Variants in RAD51B observed in about 807,000 individuals in gnomAD.
RAD51B encodes the protein DNA repair protein RAD51 homolog 2.
Under a neutral mutation model 42.2 loss-of-function variants are expected in RAD51B, and 38 were observed. The observed-to-expected ratio is 0.90, with a 90% CI of 0.70 to 1.18. The LOEUF is 1.18. Ranked by LOEUF, RAD51B falls within the 50% of genes most tolerant of loss-of-function variation. The pLI is 0.00. For synonymous variants in RAD51B, 154 were observed against 145.2 expected, an observed-to-expected ratio of 1.06 and a Z score of -0.43; for missense variants, 373 against 400.7, an observed-to-expected ratio of 0.93 and a Z score of 0.59.
Position 68,477,976 on chromosome 14 carries a change from C to T in RAD51B, c.*312C>T. 1.7e-6 allele frequency: 2 copies of T among 1,143,100 alleles called. No homozygotes were observed. The highest frequency in any genetic ancestry group is 2.1e-6 in the Non-Finnish European group (2 of 930,672). The allele number at this position is 1,143,100 out of a possible 1,614,324, so 70.8% of individuals were successfully genotyped here. On this transcript the variant is annotated 3_prime_UTR_variant, in exon 11 of 11. Transcript: ENST00000471583. ...CACCTTTCAACCAGGCACCTCAAAGCGGTTTAACCACATTAATTAATTAAA... is the reference window on the plus strand; with the variant it reads ...CACCTTTCAACCAGGCACCTCAAAGTGGTTTAACCACATTAATTAATTAAA...
intron 7 of RAD51B, among the ~76,000 whole-genome samples, chr14:68,168,505 C>G (rs1025992764): frequency 1.3e-5 from 2 of 152,118 alleles, no homozygotes; most frequent in African/African-American, 2.4e-5. Context: ...TACACAAGCA[C>G]TCTGGAATTT....
chr14:68,098,345 T>C (rs1317261245), intron 7 of RAD51B, among the ~76,000 whole-genome samples: 1 of 152,258 alleles, frequency 6.6e-6, no homozygotes, highest in African/African-American at 2.4e-5. Flanking sequence ...GTGAACAAAA[T>C]AGTACCTGCC....
intron 7 of RAD51B, among the ~76,000 whole-genome samples, chr14:67,997,192 A>G (rs1366393288): frequency 6.6e-6 from 1 of 152,222 alleles, no homozygotes; most frequent in Non-Finnish European, 1.5e-5. Flanking sequence ...ATGAAAATAC[A>G]TAGTATTTGA....
intron 10 of RAD51B, among the ~76,000 whole-genome samples, chr14:68,498,731 C>A (rs544669018): frequency 6.6e-6 from 1 of 152,310 alleles, no homozygotes; most frequent in African/African-American, 2.4e-5. Flanking sequence ...ATAACACTGG[C>A]TTTTTTCTTA....
At chr14:68,336,216 G>A (rs548233275) in intron 8 of RAD51B, among the ~76,000 whole-genome samples, 20 of 152,310 alleles carry the variant, frequency 1.3e-4, no homozygotes, top group African/African-American at 4.1e-4. Context: ...TAAGGAAACT[G>A]AATGTTTAAT....
intron 7 of RAD51B, among the ~76,000 whole-genome samples, chr14:68,019,175 A>C (rs1202717554): frequency 6.6e-6 from 1 of 152,084 alleles, no homozygotes; most frequent in Admixed American, 6.5e-5. Context: ...CAGTTTAGAG[A>C]AACTGAGAGT....
intron 4 of RAD51B, among the ~76,000 whole-genome samples, chr14:67,836,013 C>T (rs1460216039): frequency 6.6e-6 from 1 of 152,088 alleles, no homozygotes; most frequent in African/African-American, 2.4e-5. Context: ...TTTTTACTTT[C>T]TGTTATAGAT....
At chr14:68,216,993 T>G (rs1324846436) in intron 7 of RAD51B, among the ~76,000 whole-genome samples, 1 of 152,190 alleles carries the variant, frequency 6.6e-6, no homozygotes, top group Non-Finnish European at 1.5e-5. Flanking sequence ...AGACTCTAAT[T>G]CTTCTATTCC....
At chr14:67,878,993 C>T (rs941798496) in intron 5 of RAD51B, among the ~76,000 whole-genome samples, 2 of 152,182 alleles carry the variant, frequency 1.3e-5, no homozygotes, top group African/African-American at 2.4e-5. Flanking sequence ...GGATTACAGG[C>T]GTGAGCCACT....
At chr14:68,423,281 C>T (rs2084753975) in intron 9 of RAD51B, among the ~76,000 whole-genome samples, 1 of 152,146 alleles carries the variant, frequency 6.6e-6, no homozygotes, top group South Asian at 2.1e-4. Flanking sequence ...AGAGCTAAGG[C>T]ACCTGGTATG....
intron 7 of RAD51B, among the ~76,000 whole-genome samples, chr14:68,029,849 C>G (rs1432471267): frequency 2.0e-5 from 3 of 152,188 alleles, no homozygotes; most frequent in Non-Finnish European, 2.9e-5. Context: ...AGTAATAAGA[C>G]TTGAAAGTTG....
downstream of RAD51B, among the ~76,000 whole-genome samples, chr14:68,478,316 T>G (rs755902522): frequency 1.3e-5 from 2 of 152,236 alleles, no homozygotes; most frequent in African/African-American, 2.4e-5. Flanking sequence ...GTGGCATAAC[T>G]ATTGTAGTGT....
chr14:67,890,158 T>G (rs1386473420), intron 7 of RAD51B, among the ~76,000 whole-genome samples: 8 of 152,228 alleles, frequency 5.3e-5, no homozygotes, highest in African/African-American at 1.9e-4. Context: ...TGACTTCTAA[T>G]TACCACGTAC....
chr14:67,909,856 A>G (rs1468753505), intron 7 of RAD51B, among the ~76,000 whole-genome samples: 1 of 152,100 alleles, frequency 6.6e-6, no homozygotes, highest in Non-Finnish European at 1.5e-5. Context: ...CGGTCTCACC[A>G]TATTGTCCAG....
At chr14:68,631,227 C>T (rs2140122844) in intron 10 of RAD51B, among the ~76,000 whole-genome samples, 1 of 152,338 alleles carries the variant, frequency 6.6e-6, no homozygotes, top group East Asian at 1.9e-4. Context: ...TTGGGATATA[C>T]TGGATTCCCT....
intron 7 of RAD51B, among the ~76,000 whole-genome samples, chr14:68,026,236 G>T (rs2075954456): frequency 6.6e-6 from 1 of 151,920 alleles, no homozygotes; most frequent in South Asian, 2.1e-4. Context: ...TGAATTTTTT[G>T]AATTTATTGA....
intron 7 of RAD51B, among the ~76,000 whole-genome samples, chr14:68,281,777 C>T (rs1445364020): frequency 2.0e-5 from 3 of 152,198 alleles, no homozygotes; most frequent in Non-Finnish European, 4.4e-5. Flanking sequence ...TGCAGTTGTA[C>T]TGGGCAGGTT....
intron 7 of RAD51B, among the ~76,000 whole-genome samples, chr14:67,980,764 C>CT (rs1279750390): frequency 6.6e-6 from 1 of 152,072 alleles, no homozygotes; most frequent in Non-Finnish European, 1.5e-5. Flanking sequence ...AATGTAAAAA[C>CT]TAAAACTATA....
intron 7 of RAD51B, among the ~76,000 whole-genome samples, chr14:68,280,623 T>A (rs1480756114): frequency 6.6e-6 from 1 of 152,180 alleles, no homozygotes; most frequent in Non-Finnish European, 1.5e-5. Flanking sequence ...TTTCCTCTCT[T>A]CCTCCTTCAC....
Sources: gnomAD v4.1 joint callset for allele counts (sites outside exome capture counted in the v4.1 genomes callset) on GRCh38, gnomAD v4.1.1 for gene constraint, MANE v1.5 for transcripts, NCBI Gene and HGNC (gene_info 2026-07-23, HGNC 2026-07-21) for gene names.